CUL5: variants seen among roughly 807,000 people sequenced by gnomAD.
The protein encoded by CUL5 is cullin-5.
In CUL5, 26 loss-of-function variants were observed where a neutral mutation model predicts 108.8. The observed-to-expected ratio is 0.24, with a 90% CI of 0.18 to 0.33. CUL5 has a LOEUF of 0.33. Ranked by LOEUF, CUL5 falls within the 10% of genes least tolerant of loss-of-function variation. CUL5 has a pLI of 1.00. For synonymous variants in CUL5, 334 were observed against 298.0 expected, an observed-to-expected ratio of 1.12 and a Z score of -1.25; for missense variants, 524 against 909.2, an observed-to-expected ratio of 0.58 and a Z score of 5.45.
chr11:108,009,421 G>A (rs750456951), intron 1 of CUL5, 49 bp downstream of exon 1: 1 of 1,604,708 alleles, frequency 6.2e-7, no homozygotes, highest in African/African-American at 1.3e-5. Context: ...CGCCGGGTTC[G>A]GCTCTTTGGG....
At chr11:108,087,181 CAT>C (rs1565265688) in intron 11 of CUL5, among the ~76,000 whole-genome samples, 2 of 152,042 alleles carry the variant, frequency 1.3e-5, no homozygotes, top group African/African-American at 4.8e-5. Context: ...AGGGCAAAGA[CAT>C]ACATTTATAC....
In CUL5 at chr11:108,056,012, C is replaced by A. The variant is rs534806191; in HGVS notation, c.780+1057C>A. Among the ~76,000 whole-genome samples, 5 of 152,290 alleles carry A rather than the reference C, an allele frequency of 3.3e-5. No homozygotes were observed. The South Asian group carries it at 1.0e-3, about 32-fold the overall frequency. On this transcript the variant is annotated intron_variant, in intron 7 of 18. Coordinates refer to ENST00000393094, the MANE Select transcript of CUL5 (RefSeq NM_003478.6). The stretch of plus-strand genomic sequence containing the variant: ...CAGGCTGGTTTTGAACTCCTGGCCT[C>A]AAGCAATCCTTCTTGCTCAGCCTCC...
rs1863265641 is a variant in CUL5, at chr11:108,052,719, T to G, written c.471T>G (p.Asp157Glu). ...CAAACATAAAAAACAGACTCCAAGATAGTGCAATGAAGCTGGTACATGCTG... is the reference window on the plus strand; with the variant it reads ...CAAACATAAAAAACAGACTCCAAGAGAGTGCAATGAAGCTGGTACATGCTG... ...IFSNIKNRLQ[D>E]SAMKLVHAER... Residue 157 changes from aspartate to glutamate, a missense_variant, in exon 5 of 19, where the codon GAT (aspartate) becomes GAG (glutamate). Coordinates refer to ENST00000393094, the MANE Select transcript of CUL5 (RefSeq NM_003478.6). 1.2e-6 allele frequency: 2 copies of G among 1,613,412 alleles called. No individual in the cohort carries two copies. The highest frequency in any genetic ancestry group is 1.7e-6 in the Non-Finnish European group (2 of 1,179,528).
intron 1 of CUL5, among the ~76,000 whole-genome samples, chr11:108,029,572 T>C (rs1862527566): frequency 6.6e-6 from 1 of 152,222 alleles, no homozygotes; most frequent in Non-Finnish European, 1.5e-5. Context: ...GTTTTGTAGA[T>C]AGTGGATTTG....
chr11:108,088,068 G>T (rs1174588763), intron 11 of CUL5, among the ~76,000 whole-genome samples: 1 of 150,672 alleles, frequency 6.6e-6, no homozygotes, highest in Non-Finnish European at 1.5e-5. Flanking sequence ...AATGCATGAT[G>T]GTATATATAT....
At chr11:108,021,554 A>T (rs570128805) in intron 1 of CUL5, among the ~76,000 whole-genome samples, 2 of 152,216 alleles carry the variant, frequency 1.3e-5, no homozygotes, top group African/African-American at 4.8e-5. Flanking sequence ...GGATTATCAT[A>T]GGTCACTGCA....
intron 7 of CUL5, among the ~76,000 whole-genome samples, chr11:108,055,301 T>C (rs1459464337): frequency 6.6e-6 from 1 of 152,238 alleles, no homozygotes; most frequent in African/African-American, 2.4e-5. Flanking sequence ...CCCTTAGGGA[T>C]ACAGTTGACT....
chr11:108,098,324 C>G, intron 17 of CUL5, 82 bp from the exon 18 acceptor site: 5 of 1,258,182 alleles, frequency 4.0e-6, no homozygotes, highest in Non-Finnish European at 5.5e-6. Context: ...ATTTTTAAAT[C>G]TTTTCTCTCA....
At chr11:108,013,712 C>A (rs1862112178) in intron 1 of CUL5, among the ~76,000 whole-genome samples, 2 of 152,110 alleles carry the variant, frequency 1.3e-5, no homozygotes, top group Non-Finnish European at 2.9e-5. Context: ...TACTACTTTT[C>A]TCAGTGGACT....
intron 12 of CUL5, among the ~76,000 whole-genome samples, 183 bp from the exon 13 acceptor site, chr11:108,089,309 G>C (rs967351753): frequency 1.3e-5 from 2 of 152,126 alleles, no homozygotes; most frequent in Non-Finnish European, 2.9e-5. Flanking sequence ...TCTCAGTTTT[G>C]CTAACCTTTA....
At chr11:108,011,320 C>A (rs946800168) in intron 1 of CUL5, among the ~76,000 whole-genome samples, 3 of 152,084 alleles carry the variant, frequency 2.0e-5, no homozygotes, top group African/African-American at 7.2e-5. Context: ...TAAGTACTTA[C>A]CTGTGGAAGC....
At chr11:108,082,200 C>T (rs867461167) in intron 11 of CUL5, among the ~76,000 whole-genome samples, 2 of 150,500 alleles carry the variant, frequency 1.3e-5, no homozygotes, top group East Asian at 1.9e-4. Context: ...TTGAATTGCT[C>T]TTCCTTCCTC....
At chr11:108,098,312 A>G (rs1864549935) in intron 17 of CUL5, 94 bp from the exon 18 acceptor site, 2 of 1,122,266 alleles carry the variant, frequency 1.8e-6, no homozygotes, top group East Asian at 5.2e-5. Context: ...ATATTTTAGC[A>G]TATTTTTAAA....
chr11:108,013,044 G>GTA (rs1862093041), intron 1 of CUL5, among the ~76,000 whole-genome samples: 1 of 152,026 alleles, frequency 6.6e-6, no homozygotes, highest in Non-Finnish European at 1.5e-5. Context: ...CCACCCAATT[G>GTA]TATAGAACCT....
intron 1 of CUL5, among the ~76,000 whole-genome samples, chr11:108,011,105 AT>A: frequency 6.6e-6 from 1 of 152,330 alleles, no homozygotes; most frequent in East Asian, 1.9e-4. Flanking sequence ...TTAAGAAGTA[AT>A]TTTGTCCGTG....
intron 10 of CUL5, among the ~76,000 whole-genome samples, chr11:108,074,989 A>G (rs1236925349): frequency 6.6e-6 from 1 of 152,042 alleles, no homozygotes; most frequent in Admixed American, 6.6e-5. Flanking sequence ...TGTGAGTAGG[A>G]TGGGAAGTCA....
At chr11:108,017,716 A>G (rs1862236926) in intron 1 of CUL5, among the ~76,000 whole-genome samples, 1 of 152,098 alleles carries the variant, frequency 6.6e-6, no homozygotes, top group African/African-American at 2.4e-5. Context: ...CAGGCATGTT[A>G]GTGCATGCCT....
chr11:108,078,128 G>C, intron 10 of CUL5, 48 bp from the exon 11 acceptor site: 1 of 1,089,684 alleles, frequency 9.2e-7, no homozygotes, highest in Non-Finnish European at 1.3e-6. Context: ...AAATTTATCT[G>C]TATATTTTCA....
chr11:108,055,429 C>T (rs939817924), intron 7 of CUL5, among the ~76,000 whole-genome samples: 1 of 152,052 alleles, frequency 6.6e-6, no homozygotes, highest in African/African-American at 2.4e-5. Flanking sequence ...TTTCAAACTT[C>T]ATTTGTCATG....
Sources: gnomAD v4.1 joint callset for allele counts (sites outside exome capture counted in the v4.1 genomes callset) on GRCh38, gnomAD v4.1.1 for gene constraint, MANE v1.5 for transcripts, NCBI Gene and HGNC (gene_info 2026-07-23, HGNC 2026-07-21) for gene names.